GLDC: variants seen among roughly 807,000 people sequenced by gnomAD.
The protein encoded by GLDC is glycine dehydrogenase (decarboxylating), mitochondrial.
In GLDC, 104 loss-of-function variants were observed where a neutral mutation model predicts 121.3. The observed-to-expected ratio is 0.86, with a 90% CI of 0.73 to 1.01. GLDC has a LOEUF of 1.01. Ranked by LOEUF, GLDC falls within the 50% of genes least tolerant of loss-of-function variation. The probability of loss-of-function intolerance (pLI) is 0.00; values close to 1 mark genes in which losing one functional copy is unlikely to be tolerated. For missense variants in GLDC, 1,429 were observed against 1,306.6 expected (o/e 1.09, Z -1.44); for synonymous variants, 546 against 480.6 (o/e 1.14, Z -1.78).
chr9:6,565,319 C>T, intron 16 of GLDC, 35 bp downstream of exon 16: 1 of 1,471,950 alleles, frequency 6.8e-7, no homozygotes, highest in Non-Finnish European at 9.5e-7. Context: ...CTCTGTGCCC[C>T]ATGGTGAGCA....
At chr9:6,581,688 A>C (rs569615483) in intron 15 of GLDC, among the ~76,000 whole-genome samples, 55 of 152,352 alleles carry the variant, frequency 3.6e-4, no homozygotes, top group African/African-American at 1.1e-3. Flanking sequence ...AGGAATGAAA[A>C]AGTTAATGTA....
intron 20 of GLDC, 150 bp from the exon 21 acceptor site, chr9:6,551,064 C>T: frequency 1.4e-6 from 1 of 734,136 alleles, no homozygotes; most frequent in East Asian, 2.5e-5. Flanking sequence ...AAAATTCCAA[C>T]AAGGATATCT....
intron 2 of GLDC, among the ~76,000 whole-genome samples, chr9:6,644,291 C>G (rs1819693131): frequency 6.6e-6 from 1 of 151,818 alleles, no homozygotes; most frequent in South Asian, 2.1e-4. Context: ...CCTCTCAACC[C>G]AAAGTATGAG....
At chr9:6,612,220 C>G (rs951371988) in intron 3 of GLDC, among the ~76,000 whole-genome samples, 1 of 149,274 alleles carries the variant, frequency 6.7e-6, no homozygotes, top group Non-Finnish European at 1.5e-5. Flanking sequence ...AACACACACT[C>G]TCTCACACAC....
intron 9 of GLDC, among the ~76,000 whole-genome samples, chr9:6,594,228 G>A (rs1563852027): frequency 6.6e-6 from 1 of 151,988 alleles, no homozygotes; most frequent in Non-Finnish European, 1.5e-5. Context: ...AAAATTCTAT[G>A]TCTACTGGCC....
intron 15 of GLDC, among the ~76,000 whole-genome samples, chr9:6,578,309 G>T (rs1050950965): frequency 6.0e-4 from 91 of 151,690 alleles, no homozygotes; most frequent in African/African-American, 2.2e-3. Context: ...TACAAAGAGG[G>T]TCCCACTATG....
In GLDC at chr9:6,554,463, A is replaced by G. The variant is rs1267070483; in HGVS notation, c.2315+206T>C. Among the ~76,000 whole-genome samples the G allele has an allele frequency of 3.3e-5, 5 of 152,314 alleles. No individual in the cohort carries two copies. In the East Asian group the frequency reaches 9.6e-4, roughly 29 times the overall value. ...TGGAAGCTCAGTGAGGCCAGATGCT[A>G]TGGTTAGTAAAATCTAATTACGCTT... is the stretch of plus-strand genomic sequence containing the variant. On this transcript the variant is annotated intron_variant, in intron 19 of 24. Transcript: ENST00000321612.
Position 6,601,786 on chromosome 9 carries a change from G to T in GLDC, c.1155+323C>A, listed in dbSNP as rs1351358359. Among the ~76,000 whole-genome samples the T allele has an allele frequency of 2.6e-5, 4 of 151,992 alleles. No individual in the cohort carries two copies. In the East Asian group the frequency reaches 5.8e-4, roughly 22 times the overall value. ...ACTACAGGAGCATACCACCACTGAC[G>T]GCTAATTTATTTTATTTTATTTTTC... On this transcript the variant is annotated intron_variant, in intron 8 of 24. Transcript: ENST00000321612.
At chr9:6,590,595 C>G (rs572959310) in intron 11 of GLDC, among the ~76,000 whole-genome samples, 4 of 152,278 alleles carry the variant, frequency 2.6e-5, no homozygotes, top group South Asian at 4.1e-4. Context: ...AGGAAGTTTC[C>G]TGAAACCCTC....
In GLDC at chr9:6,604,578, G is replaced by A. The variant is rs774499942; in HGVS notation, c.1058+10C>T. On this transcript the variant is annotated intron_variant, in intron 7 of 24. Transcript: ENST00000321612. ...TCACAATAAAAGTAGAGAAACATGA[G>A]CCCCTTTACCTTGTTACCCCCACCA... 6.2e-7 allele frequency: 1 copy of A among 1,603,600 alleles called. No homozygotes were observed. The highest frequency in any genetic ancestry group is 1.7e-5 in the Admixed American group (1 of 59,990).
intron 6 of GLDC, 128 bp from the exon 7 acceptor site, chr9:6,604,912 C>T: frequency 1.1e-6 from 1 of 883,746 alleles, no homozygotes; most frequent in South Asian, 1.4e-5. Flanking sequence ...CTCCATTGCT[C>T]ATTCATTCAT....
chr9:6,578,227 C>T (rs940993470), intron 15 of GLDC, among the ~76,000 whole-genome samples: 1 of 151,854 alleles, frequency 6.6e-6, no homozygotes, highest in East Asian at 1.9e-4. Context: ...GTAAGTGATC[C>T]TCCCACTTCA....
Position 6,610,174 on chromosome 9 carries a change from C to T in GLDC, c.635+18G>A, listed in dbSNP as rs199569891. ...GTGGCCCACAACTGGAATTCCAGCA[C>T]TTTGAGAGGCCTCTCACCTGTAGCA... is the stretch of plus-strand genomic sequence containing the variant. On this transcript the variant is annotated intron_variant, in intron 4 of 24. Transcript: ENST00000321612. 6.3e-7 allele frequency: 1 copy of T among 1,595,816 alleles called. No individual in the cohort carries two copies. Among genetic ancestry groups the T allele is most frequent in the Non-Finnish European group, 8.6e-7 (1 of 1,169,248 alleles).
At position 6,532,607 on chromosome 9, in the gene GLDC, C is replaced by G. The variant is rs35834773; in HGVS notation, c.*410G>C. The G allele has an allele frequency of 0.038, 7,507 of 199,128 alleles. 593 individuals carry two copies. Among genetic ancestry groups the G allele is most frequent in the African/African-American group, 0.16 (6,996 of 43,060 alleles). 12.3% of individuals were successfully genotyped at this position (199,128 alleles called of 1,614,324 possible). A position where few individuals can be genotyped will look rare whatever the true frequency, so the allele number is the denominator to read the frequency against. ...AGGAAAAAGAGTTCTTCAGGGTATACAAAATGTAAACATTTGCCCTGGGAT... is the reference window on the plus strand; with the variant it reads ...AGGAAAAAGAGTTCTTCAGGGTATAGAAAATGTAAACATTTGCCCTGGGAT... On this transcript the variant is annotated 3_prime_UTR_variant, in exon 25 of 25. Coordinates refer to ENST00000321612, the MANE Select transcript of GLDC (RefSeq NM_000170.3).
At chr9:6,570,157 A>G (rs930228709) in intron 15 of GLDC, among the ~76,000 whole-genome samples, 1 of 152,238 alleles carries the variant, frequency 6.6e-6, no homozygotes, top group African/African-American at 2.4e-5. Context: ...GTAATAATTT[A>G]TGGTGAACAC....
intron 18 of GLDC, among the ~76,000 whole-genome samples, chr9:6,555,568 A>C (rs1817609021): frequency 6.6e-6 from 1 of 152,150 alleles, no homozygotes; most frequent in African/African-American, 2.4e-5. Context: ...CAGGAGTTCA[A>C]GACCAGCCTG....
At chr9:6,551,937 G>C (rs769501904) in intron 20 of GLDC, among the ~76,000 whole-genome samples, 1 of 152,154 alleles carries the variant, frequency 6.6e-6, no homozygotes, top group African/African-American at 2.4e-5. Context: ...AAATGCAGAC[G>C]GCTTAAGTCC....
intron 15 of GLDC, chr9:6,566,586 C>T (rs1368530842): frequency 6.6e-6 from 1 of 152,158 alleles, no homozygotes; most frequent in Non-Finnish European, 1.5e-5. Flanking sequence ...GAAGGCACCA[C>T]TTTCAGGGCA....
intron 15 of GLDC, among the ~76,000 whole-genome samples, chr9:6,573,593 A>C (rs1015244673): frequency 6.6e-6 from 1 of 152,156 alleles, no homozygotes; most frequent in Non-Finnish European, 1.5e-5. Flanking sequence ...GTCACCCCCC[A>C]GAAGGAAATA....
Sources: gnomAD v4.1 joint callset for allele counts (sites outside exome capture counted in the v4.1 genomes callset) on GRCh38, gnomAD v4.1.1 for gene constraint, MANE v1.5 for transcripts, NCBI Gene and HGNC (gene_info 2026-07-23, HGNC 2026-07-21) for gene names.